The following SLC5A1 variants were observed in gnomAD, a reference collection of about 807,000 sequenced individuals.
SLC5A1 encodes the protein sodium/glucose cotransporter 1.
Under a neutral mutation model 73.5 loss-of-function variants are expected in SLC5A1, and 42 were observed. That is an observed-to-expected ratio of 0.57 (90% CI 0.45 to 0.74). The LOEUF (loss-of-function observed/expected upper bound fraction) is 0.74, where lower values mean the gene tolerates loss of function less well. Among genes scored for constraint, SLC5A1 ranks in the 30% least tolerant of loss-of-function variants. The pLI is 0.00. For missense variants in SLC5A1, 634 were observed against 855.4 expected (o/e 0.74, Z 3.23); for synonymous variants, 300 against 317.4 (o/e 0.95, Z 0.58).
intron 6 of SLC5A1, 43 bp from the exon 7 acceptor site, chr22:32,083,031 C>T (rs761239280): frequency 6.4e-7 from 1 of 1,566,876 alleles, no homozygotes; most frequent in South Asian, 1.1e-5. Flanking sequence ...AGACAGGTCA[C>T]CCTCCACACG....
intron 11 of SLC5A1, among the ~76,000 whole-genome samples, chr22:32,092,439 G>A (rs532441075): frequency 5.9e-5 from 9 of 152,178 alleles, no homozygotes; most frequent in South Asian, 4.1e-4. Flanking sequence ...TTTGTATAAC[G>A]ACTTCTTTTC....
Position 32,045,446 on chromosome 22 carries a change from C to A in SLC5A1, c.135+2030C>A, listed in dbSNP as rs549629958. 1.6e-4 allele frequency among the ~76,000 whole-genome samples: 25 copies of A among 152,314 alleles called. No homozygotes were observed. In the South Asian group the frequency reaches 5.2e-3, roughly 32 times the overall value. On this transcript the variant is annotated intron_variant, in intron 1 of 14. Transcript: ENST00000266088. ...CCTGGTCATTTAATGCATTGGATTT[C>A]TTCCAGTTTATCCTCCTCTGTCTGC...
intron 11 of SLC5A1, among the ~76,000 whole-genome samples, chr22:32,092,282 C>T (rs1385488032): frequency 6.6e-6 from 1 of 152,164 alleles, no homozygotes; most frequent in Non-Finnish European, 1.5e-5. Context: ...TAATTCGTTC[C>T]TTTTTATGGC....
At position 32,106,311 on chromosome 22, in the gene SLC5A1, T is replaced by C. The variant is rs1050661757; in HGVS notation, c.1771+1420T>C. Among the ~76,000 whole-genome samples, 7 of 152,380 alleles carry C rather than the reference T, an allele frequency of 4.6e-5. 1 individual carries two copies. Among genetic ancestry groups the C allele is most frequent in the African/African-American group, 1.4e-4 (6 of 41,598 alleles). The stretch of plus-strand genomic sequence containing the variant: ...GTAGTTTTGATTTGCATTTCTATGA[T>C]TGATGATGTTGAGCACATTTTTATG... On this transcript the variant is annotated intron_variant, in intron 14 of 14. Transcript: ENST00000266088.
At chr22:32,105,325 C>T (rs772093796) in intron 14 of SLC5A1, among the ~76,000 whole-genome samples, 10 of 143,796 alleles carry the variant, frequency 7.0e-5, no homozygotes, top group Non-Finnish European at 1.0e-4. Context: ...CCGAGTTTCA[C>T]TCTTGTTGCC....
At chr22:32,057,201 G>A (rs1409281461) in intron 2 of SLC5A1, among the ~76,000 whole-genome samples, 1 of 152,186 alleles carries the variant, frequency 6.6e-6, no homozygotes, top group African/African-American at 2.4e-5. Context: ...TATTGATACA[G>A]GATCCTTTTT....
At chr22:32,080,778 G>A (rs543954310) in intron 5 of SLC5A1, among the ~76,000 whole-genome samples, 22 of 152,246 alleles carry the variant, frequency 1.4e-4, no homozygotes, top group African/African-American at 4.6e-4. Flanking sequence ...GGCAGATCAC[G>A]AGGTCAGGAG....
intron 11 of SLC5A1, among the ~76,000 whole-genome samples, chr22:32,092,164 C>T (rs1364040366): frequency 2.0e-5 from 3 of 152,096 alleles, no homozygotes; most frequent in Admixed American, 1.3e-4. Context: ...AACCTCATAG[C>T]TTAGCTCCCA....
intron 5 of SLC5A1, among the ~76,000 whole-genome samples, chr22:32,078,954 CAAA>C (rs6147589): frequency 9.2e-6 from 1 of 109,112 alleles, no homozygotes; most frequent in Non-Finnish European, 1.8e-5. Context: ...ACTCTGTCTC[CAAA>C]AAAAAAAAAA....
chr22:32,050,170 G>C (rs954123829), intron 2 of SLC5A1, among the ~76,000 whole-genome samples, 156 bp downstream of exon 2: 3 of 152,118 alleles, frequency 2.0e-5, no homozygotes, highest in African/African-American at 7.2e-5. Context: ...GGTCTCCTGG[G>C]CACCCTTAAT....
At position 32,074,594 on chromosome 22, in the gene SLC5A1, T is replaced by C. The variant is rs943511973; in HGVS notation, c.477+5994T>C. On this transcript the variant is annotated intron_variant, in intron 5 of 14. Transcript: ENST00000266088. ...CCAGCATTTCCCAGTCCAGACTCTA[T>C]ACACTGGTCTCTAACCAAATAAGAC... Among the ~76,000 whole-genome samples the C allele has an allele frequency of 2.6e-5, 4 of 152,134 alleles. No individual in the cohort carries two copies. The East Asian group carries it at 5.8e-4, about 22-fold the overall frequency.
At chr22:32,104,913 A>G (rs199997532) in intron 14 of SLC5A1, 22 bp downstream of exon 14, 4 of 1,521,082 alleles carry the variant, frequency 2.6e-6, no homozygotes, top group Non-Finnish European at 2.7e-6. Flanking sequence ...CCCAGAGCAG[A>G]TCCTAAACCA....
In SLC5A1 at chr22:32,110,511, G is replaced by C; in HGVS notation, c.*298G>C. 1 of 462,568 alleles carries C rather than the reference G, an allele frequency of 2.2e-6. No homozygotes were observed. The highest frequency in any genetic ancestry group is 4.4e-5 in the East Asian group (1 of 22,902). The allele number at this position is 462,568 out of a possible 1,614,324, so 28.7% of individuals were successfully genotyped here. On this transcript the variant is annotated 3_prime_UTR_variant, in exon 15 of 15. Coordinates refer to ENST00000266088, the MANE Select transcript of SLC5A1 (RefSeq NM_000343.4). ...AGAAGCCATGTGATTGATGTCTGAC[G>C]TGAGTCTGTCTCAGGTAGATTCCGG... is the stretch of plus-strand genomic sequence containing the variant.
chr22:32,053,760 T>C (rs1288959836), intron 2 of SLC5A1, among the ~76,000 whole-genome samples: 3 of 152,208 alleles, frequency 2.0e-5, no homozygotes, highest in African/African-American at 4.8e-5. Flanking sequence ...TTAAAATGAA[T>C]TCGTTGTATT....
At chr22:32,096,274 A>T (rs1260303589) in intron 11 of SLC5A1, among the ~76,000 whole-genome samples, 1 of 152,204 alleles carries the variant, frequency 6.6e-6, no homozygotes. Flanking sequence ...GAAGGGACAT[A>T]AGAAACACCT....
At chr22:32,102,531 G>A in intron 13 of SLC5A1, among the ~76,000 whole-genome samples, 1 of 152,054 alleles carries the variant, frequency 6.6e-6, no homozygotes, top group Non-Finnish European at 1.5e-5. Flanking sequence ...ACTTTGGGAG[G>A]CCAAGGTGGG....
intron 5 of SLC5A1, among the ~76,000 whole-genome samples, chr22:32,074,094 A>G (rs966106602): frequency 1.3e-5 from 2 of 152,124 alleles, no homozygotes; most frequent in Admixed American, 6.5e-5. Flanking sequence ...CTGTGCACGT[A>G]GAGAAGGGTG....
intron 2 of SLC5A1, among the ~76,000 whole-genome samples, chr22:32,066,286 TC>T (rs1297514365): frequency 6.6e-6 from 1 of 152,160 alleles, no homozygotes; most frequent in African/African-American, 2.4e-5. Flanking sequence ...GTCCGTGTGG[TC>T]CCTAGAACCT....
At chr22:32,069,109 T>C (rs889655640) in intron 5 of SLC5A1, among the ~76,000 whole-genome samples, 4 of 152,102 alleles carry the variant, frequency 2.6e-5, no homozygotes, top group African/African-American at 9.7e-5. Flanking sequence ...CTGTCATTTG[T>C]TGTGAATATG....
Sources: allele counts gnomAD v4.1 joint callset (sites outside exome capture counted in the v4.1 genomes callset), GRCh38; gene constraint gnomAD v4.1.1; transcripts MANE v1.5; gene names NCBI Gene and HGNC (gene_info 2026-07-23, HGNC 2026-07-21).